Variants in ZFYVE1 observed in about 807,000 individuals in gnomAD.
ZFYVE1 encodes the protein zinc finger FYVE domain-containing protein 1.
In ZFYVE1, 30 loss-of-function variants were observed where a neutral mutation model predicts 74.4. That is an observed-to-expected ratio of 0.40 (90% CI 0.30 to 0.55). ZFYVE1 has a LOEUF of 0.55. Among genes scored for constraint, ZFYVE1 ranks in the 20% least tolerant of loss-of-function variants. The pLI is 0.42. For missense variants in ZFYVE1, 703 were observed against 1,011.6 expected, an observed-to-expected ratio of 0.69 and a Z score of 4.14; for synonymous variants, 335 against 385.1, an observed-to-expected ratio of 0.87 and a Z score of 1.52.
At chr14:72,985,001 C>T (rs1893438637) in intron 4 of ZFYVE1, among the ~76,000 whole-genome samples, 1 of 152,232 alleles carries the variant, frequency 6.6e-6, no homozygotes, top group Admixed American at 6.5e-5. Context: ...CTCCTCCTCT[C>T]CTGGCCCTGC....
intron 2 of ZFYVE1, among the ~76,000 whole-genome samples, chr14:73,003,985 G>A (rs1204523810): frequency 2.6e-5 from 4 of 152,110 alleles, no homozygotes; most frequent in African/African-American, 9.7e-5. Context: ...TAGGTACCCA[G>A]GTACCTTAAA....
chr14:73,022,975 C>G (rs143083112), intron 2 of ZFYVE1, among the ~76,000 whole-genome samples: 11,207 of 151,702 alleles, frequency 0.074, 557 homozygotes, highest in East Asian at 0.19. Context: ...TCAACCTGGC[C>G]AACATGGTGA....
rs1893102558 is a variant in ZFYVE1, at chr14:72,974,100, G to A, written c.2081C>T (p.Thr694Ile). ...CCCACCTAGTGGTATGTCAATGGCTGTCACCACGGCTCCCAGAGTGTTCTG... is the reference window on the plus strand; with the variant it reads ...CCCACCTAGTGGTATGTCAATGGCTATCACCACGGCTCCCAGAGTGTTCTG... ...AVQNTLGAVVTAIDIPLGLVK... is the reference protein window; with the variant it reads ...AVQNTLGAVVIAIDIPLGLVK... Residue 694 changes from threonine (T) to isoleucine (I), a missense_variant, in exon 11 of 12, where the codon ACA (threonine) becomes ATA (isoleucine). Thr to Ile is a moderately conservative substitution (Grantham distance 89). Coordinates refer to ENST00000556143, the MANE Select transcript of ZFYVE1 (RefSeq NM_021260.4). The A allele has an allele frequency of 6.2e-7, 1 of 1,614,092 alleles. No homozygotes were observed. Among genetic ancestry groups the A allele is most frequent in the East Asian group, 2.2e-5 (1 of 44,874 alleles).
chr14:72,979,053 A>G lies in ZFYVE1; in HGVS notation c.1311-84T>C, dbSNP rs1594832881. On this transcript the variant is annotated intron_variant, in intron 5 of 11. Coordinates refer to ENST00000556143, the MANE Select transcript of ZFYVE1 (RefSeq NM_021260.4). Reference sequence around the variant, plus strand: ...AGAACAGCCTGACCCTGAGCCAGGCACAAGGCCACGACCAGACCTTGATTA... The same window carrying G: ...AGAACAGCCTGACCCTGAGCCAGGCGCAAGGCCACGACCAGACCTTGATTA... 6 of 1,204,774 alleles carry G rather than the reference A, an allele frequency of 5.0e-6. No homozygotes were observed. The East Asian group carries it at 1.4e-4, about 28-fold the overall frequency. 74.6% of individuals were successfully genotyped at this position (1,204,774 alleles called of 1,614,324 possible).
intron 11 of ZFYVE1, 26 bp from the exon 12 acceptor site, chr14:72,971,140 C>A: frequency 1.9e-6 from 3 of 1,612,666 alleles, no homozygotes. Flanking sequence ...ATGGTCAGGG[C>A]ACCCAAAGCC....
At chr14:72,988,714 T>A (rs1220812371) in intron 4 of ZFYVE1, among the ~76,000 whole-genome samples, 1 of 148,442 alleles carries the variant, frequency 6.7e-6, no homozygotes, top group Non-Finnish European at 1.5e-5. Flanking sequence ...GGCTGAGGCA[T>A]GAGAATCACT....
Position 72,970,969 on chromosome 14 carries a change from G to T in ZFYVE1, c.2247C>A (p.Ser749=). Residue 749 remains serine (S), a synonymous_variant, in exon 12 of 12, where the codon TCC becomes TCA. Coordinates refer to ENST00000556143, the MANE Select transcript of ZFYVE1 (RefSeq NM_021260.4). The part of the protein sequence containing the change: ...ACGQGFCDEC[S]HDRRAVPSRG... ...GAGAAGGAACAGCCCGGCGGTCATG[G>T]GAGCACTCATCACAGAAGCCCTGTC... 1 of 1,614,242 alleles carries T rather than the reference G, an allele frequency of 6.2e-7. No homozygotes were observed. The highest frequency in any genetic ancestry group is 8.5e-7 in the Non-Finnish European group (1 of 1,180,044).
Position 72,998,332 on chromosome 14 carries a change from A to C in ZFYVE1, c.484-17T>G. 6.6e-7 allele frequency: 1 copy of C among 1,506,938 alleles called. No individual in the cohort carries two copies. The highest frequency in any genetic ancestry group is 8.8e-7 in the Non-Finnish European group (1 of 1,133,206). 93.3% of individuals were successfully genotyped at this position (1,506,938 alleles called of 1,614,324 possible). ...ATTTGTTACCTGCAAAAAAAAAAAAAAAGACCATGAAATACAGAAACTGTA... is the reference window on the plus strand; with the variant it reads ...ATTTGTTACCTGCAAAAAAAAAAAACAAGACCATGAAATACAGAAACTGTA... On this transcript the variant is annotated splice_polypyrimidine_tract_variant and intron_variant, in intron 2 of 11. Transcript: ENST00000556143.
chr14:72,991,970 A>G (rs539993546), intron 4 of ZFYVE1, among the ~76,000 whole-genome samples: 1 of 151,302 alleles, frequency 6.6e-6, no homozygotes, highest in African/African-American at 2.4e-5. Context: ...GCAGTGGGAC[A>G]ATCTCGGCTC....
chr14:72,978,566 C>CAAAAAAAAAAA (rs58858186), intron 6 of ZFYVE1, among the ~76,000 whole-genome samples: 13 of 50,952 alleles, frequency 2.6e-4, no homozygotes, highest in Admixed American at 6.3e-4. Flanking sequence ...GACTCTGTCT[C>CAAAAAAAAAAA]AAAAAAAAAA....
At chr14:72,981,698 G>T in intron 5 of ZFYVE1, 91 bp downstream of exon 5, 2 of 1,179,466 alleles carry the variant, frequency 1.7e-6, no homozygotes, top group Non-Finnish European at 1.3e-6. Flanking sequence ...GATCCCAGGG[G>T]ATCTGCATCC....
intron 7 of ZFYVE1, 36 bp downstream of exon 7, chr14:72,978,101 C>T (rs1416904428): frequency 1.2e-6 from 2 of 1,613,724 alleles, no homozygotes; most frequent in East Asian, 2.2e-5. Context: ...GAGACAAACG[C>T]ACCAGAAAAC....
chr14:73,013,883 G>C (rs1298249249), intron 2 of ZFYVE1, among the ~76,000 whole-genome samples: 3 of 152,168 alleles, frequency 2.0e-5, no homozygotes, highest in Non-Finnish European at 4.4e-5. Flanking sequence ...AAGTAGGGAA[G>C]ACTCCCCAGA....
intron 4 of ZFYVE1, among the ~76,000 whole-genome samples, chr14:72,982,336 T>C (rs985012004): frequency 3.3e-5 from 5 of 151,842 alleles, no homozygotes; most frequent in Admixed American, 3.3e-4. Context: ...CACAGGCACT[T>C]ACTTGGAGTT....
At position 72,974,165 on chromosome 14, in the gene ZFYVE1, T is replaced by C. The variant is rs777029448; in HGVS notation, c.2016A>G (p.Glu672=). The C allele has an allele frequency of 2.5e-6, 4 of 1,614,002 alleles. No homozygotes were observed. The highest frequency in any genetic ancestry group is 1.3e-5 in the African/African-American group (1 of 74,928). The change falls in exon 11 of 12, where the codon GAA becomes GAG. Residue 672 remains glutamate (E), a synonymous_variant. Coordinates refer to ENST00000556143, the MANE Select transcript of ZFYVE1 (RefSeq NM_021260.4). ...CCTTCCGAGCAATGAGCGTTCCACC[T>C]TCATCGTCCACTTGTGCCTCGGTAA... ...LAVTEAQVDD[E]GGTLIARKVG...
At chr14:72,988,926 CTTCTTT>C (rs1893546639) in intron 4 of ZFYVE1, among the ~76,000 whole-genome samples, 1 of 130,390 alleles carries the variant, frequency 7.7e-6, no homozygotes, top group Non-Finnish European at 1.6e-5. Context: ...TTTGCAATTT[CTTCTTT>C]TTTTTTTTTT....
rs1894144455 is a variant in ZFYVE1 at position 73,014,099 on chromosome 14, G to A, written c.483+9927C>T. On this transcript the variant is annotated intron_variant, in intron 2 of 11. Coordinates refer to ENST00000556143, the MANE Select transcript of ZFYVE1 (RefSeq NM_021260.4). ...ATCACTTCAAGGAATTGACAGGCCA[G>A]AAGAAAAAAGAGAATCATGCAAACT... Among the ~76,000 whole-genome samples the A allele has an allele frequency of 4.6e-5, 7 of 152,230 alleles. 1 individual carries two copies. The South Asian group carries it at 1.5e-3, about 32-fold the overall frequency.
At chr14:73,016,914 A>C (rs1486792967) in intron 2 of ZFYVE1, among the ~76,000 whole-genome samples, 1 of 152,190 alleles carries the variant, frequency 6.6e-6, no homozygotes, top group Non-Finnish European at 1.5e-5. Context: ...ACAACTCAGA[A>C]AGTCTTACCA....
Position 73,024,407 on chromosome 14 carries a change from A to C in ZFYVE1, c.102T>G (p.Cys34Trp), listed in dbSNP as rs1481745780. ...CSGTDEAIFE[C>W]DECCSLQCLR... ...GACACTGCAGACTGCAGCACTCATC[A>C]CACTCAAAGATAGCTTCATCAGTCC... The change falls in exon 2 of 12, where the codon TGT (cysteine) becomes TGG (tryptophan). Residue 34 changes from cysteine (C) to tryptophan (W), a missense_variant. Cys to Trp is a radical substitution (Grantham distance 215, BLOSUM62 -2). Around this residue, in one of 2 missense-constraint regions of ZFYVE1, gnomAD observed 211 missense variants for 221.7 expected, o/e 0.95. Transcript: ENST00000556143. 3 of 1,614,142 alleles carry C rather than the reference A, an allele frequency of 1.9e-6. No individual in the cohort carries two copies. The highest frequency in any genetic ancestry group is 1.6e-4 in the Middle Eastern group (1 of 6,062).
Sources: allele counts gnomAD v4.1 joint callset (sites outside exome capture counted in the v4.1 genomes callset), GRCh38; gene constraint gnomAD v4.1.1; regional missense constraint gnomAD v4.1.1; transcripts MANE v1.5; gene names NCBI Gene and HGNC (gene_info 2026-07-23, HGNC 2026-07-21).